Variants in FOXN3 observed in about 807,000 individuals in gnomAD.
The protein encoded by FOXN3 is forkhead box protein N3.
A neutral mutation model predicts 38.4 loss-of-function variants in FOXN3; 7 were observed. The ratio of observed to expected loss-of-function variants is 0.18; its 90% CI spans 0.10 to 0.34. The LOEUF is 0.34. Among genes scored for constraint, FOXN3 ranks in the 10% least tolerant of loss-of-function variants. The pLI is 1.00. For synonymous variants in FOXN3, 230 were observed against 242.2 expected (o/e 0.95, Z 0.47); for missense variants, 456 against 613.4 (o/e 0.74, Z 2.71).
intron 1 of FOXN3, among the ~76,000 whole-genome samples, chr14:89,430,524 T>C (rs1892132763): frequency 6.6e-6 from 1 of 152,236 alleles, no homozygotes; most frequent in Non-Finnish European, 1.5e-5. Context: ...TTTTATAAAC[T>C]GTGCTATTTG....
At chr14:89,284,197 A>G (rs1378818458) in intron 3 of FOXN3, among the ~76,000 whole-genome samples, 1 of 151,862 alleles carries the variant, frequency 6.6e-6, no homozygotes, top group African/African-American at 2.4e-5. Context: ...ATTTTTTTAA[A>G]TTGAGACGAA....
chr14:89,544,744 G>A (rs999475907), intron 1 of FOXN3, among the ~76,000 whole-genome samples: 24 of 152,080 alleles, frequency 1.6e-4, no homozygotes, highest in Non-Finnish European at 2.6e-4. Context: ...TCCATCTAAC[G>A]GAGACAGCTA....
In FOXN3 at chr14:89,225,237, C is replaced by T. The variant is rs112728157; in HGVS notation, c.746-44431G>A. ...GGAGGATCACTTGGACCCAAGAGTT[C>T]GAAGCTGCAGTGAGATGCGATCACG... On this transcript the variant is annotated intron_variant, in intron 4 of 5. Transcript: ENST00000557258. Among the ~76,000 whole-genome samples the T allele has an allele frequency of 4.8e-3, 718 of 151,096 alleles. 12 individuals are homozygous for T. The highest frequency in any genetic ancestry group is 0.016 in the African/African-American group (660 of 41,088).
chr14:89,362,786 CCACCAT>C lies in FOXN3; in HGVS notation c.544-11984_544-11979del, dbSNP rs1566968523. 9.4e-4 allele frequency among the ~76,000 whole-genome samples: 105 copies of C among 112,070 alleles called. 13 individuals carry two copies. Among genetic ancestry groups the C allele is most frequent in the African/African-American group, 3.2e-3 (93 of 28,792 alleles). The allele number at this position is 112,070 out of a possible 152,430, so 73.5% of individuals were successfully genotyped here. A position where few individuals can be genotyped will look rare whatever the true frequency, so the allele number is the denominator to read the frequency against. On this transcript the variant is annotated intron_variant, in intron 2 of 5. Transcript: ENST00000557258. ...ACCACCACCACCACCACCACCACCA[CCACCAT>C]CTCCACCACCACCTCCACCACCACC...
At chr14:89,260,713 C>T (rs1434590267) in intron 4 of FOXN3, among the ~76,000 whole-genome samples, 2 of 152,214 alleles carry the variant, frequency 1.3e-5, no homozygotes, top group Non-Finnish European at 1.5e-5. Context: ...CTTCCCTACC[C>T]CCTAATATTT....
At chr14:89,226,677 C>G (rs1884650423) in intron 4 of FOXN3, among the ~76,000 whole-genome samples, 1 of 152,158 alleles carries the variant, frequency 6.6e-6, no homozygotes, top group African/African-American at 2.4e-5. Context: ...ACCAGTACCC[C>G]AGAACCTGGT....
chr14:89,392,806 A>T (rs1368009079), intron 2 of FOXN3, among the ~76,000 whole-genome samples: 5 of 125,776 alleles, frequency 4.0e-5, no homozygotes, highest in Non-Finnish European at 8.8e-5. Flanking sequence ...ACGCCCAGCT[A>T]ATTTTTTTTT....
intron 1 of FOXN3, among the ~76,000 whole-genome samples, chr14:89,508,712 G>A (rs1008914532): frequency 2.0e-5 from 3 of 152,144 alleles, no homozygotes; most frequent in Admixed American, 1.3e-4. Flanking sequence ...ATGTTCGTGG[G>A]CCATGGATCA....
At chr14:89,559,076 C>A (rs1021646899) in intron 1 of FOXN3, among the ~76,000 whole-genome samples, 1 of 151,846 alleles carries the variant, frequency 6.6e-6, no homozygotes, top group Non-Finnish European at 1.5e-5. Context: ...CTTATGCGAA[C>A]AGGACAGATT....
chr14:89,385,206 G>A (rs1348725971), intron 2 of FOXN3, among the ~76,000 whole-genome samples: 1 of 152,138 alleles, frequency 6.6e-6, no homozygotes, highest in Non-Finnish European at 1.5e-5. Flanking sequence ...CTATGAAAAG[G>A]AAGTGGGGTA....
At chr14:89,435,647 T>TA (rs1892260289) in intron 1 of FOXN3, among the ~76,000 whole-genome samples, 1 of 152,060 alleles carries the variant, frequency 6.6e-6, no homozygotes. Context: ...AACAGCTCCG[T>TA]AAAAAGGGGA....
At chr14:89,286,110 A>C (rs1886622031) in intron 3 of FOXN3, among the ~76,000 whole-genome samples, 1 of 151,396 alleles carries the variant, frequency 6.6e-6, no homozygotes, top group Non-Finnish European at 1.5e-5. Flanking sequence ...GGATCAAGTG[A>C]TCTGCCCACT....
At chr14:89,436,759 A>G (rs921759444) in intron 1 of FOXN3, among the ~76,000 whole-genome samples, 6 of 152,224 alleles carry the variant, frequency 3.9e-5, no homozygotes, top group Non-Finnish European at 8.8e-5. Flanking sequence ...AACAACAAAG[A>G]AAGCCATAGT....
intron 4 of FOXN3, among the ~76,000 whole-genome samples, chr14:89,194,046 A>G (rs541998434): frequency 1.3e-5 from 2 of 152,322 alleles, no homozygotes; most frequent in South Asian, 4.1e-4. Flanking sequence ...TTCAACTAGT[A>G]TTATTCAGTT....
rs142831747 is a variant in FOXN3, at chr14:89,348,411, A to G, written c.680+2261T>C. The stretch of plus-strand genomic sequence containing the variant: ...AAATGCCACATCACTGTTAAGACAC[A>G]GAAATATTGTACAATTACCCAGTGT... On this transcript the variant is annotated intron_variant, in intron 3 of 5. Coordinates refer to ENST00000557258, the MANE Select transcript of FOXN3 (RefSeq NM_005197.4). Among the ~76,000 whole-genome samples, 841 of 152,350 alleles carry G rather than the reference A, an allele frequency of 5.5e-3. 8 individuals are homozygous for G. Among genetic ancestry groups the G allele is most frequent in the Middle Eastern group, 0.024 (7 of 294 alleles).
chr14:89,535,837 G>A (rs1028680422), intron 1 of FOXN3, among the ~76,000 whole-genome samples: 32 of 152,116 alleles, frequency 2.1e-4, no homozygotes, highest in African/African-American at 7.7e-4. Context: ...TCCCCAAAAG[G>A]ATGAAGTCAG....
At chr14:89,460,550 C>T (rs1892824699) in intron 1 of FOXN3, among the ~76,000 whole-genome samples, 1 of 152,108 alleles carries the variant, frequency 6.6e-6, no homozygotes, top group African/African-American at 2.4e-5. Flanking sequence ...AGCCTGCATC[C>T]AGGAGTCACT....
chr14:89,333,749 T>TTAAAAAAAAAAAAAAAAAA (rs1555418764), intron 3 of FOXN3, among the ~76,000 whole-genome samples: 2 of 57,266 alleles, frequency 3.5e-5, no homozygotes. Flanking sequence ...GAGAGACTAT[T>TTAAAAAAAAAAAAAAAAAA]AAAAAAAAAA....
chr14:89,370,226 G>A (rs542150315), intron 2 of FOXN3, among the ~76,000 whole-genome samples: 1 of 152,216 alleles, frequency 6.6e-6, no homozygotes, highest in African/African-American at 2.4e-5. Flanking sequence ...TTCAAAGAGT[G>A]ATCAAATATC....
Sources: gnomAD v4.1 joint callset for allele counts (sites outside exome capture counted in the v4.1 genomes callset) on GRCh38, gnomAD v4.1.1 for gene constraint, MANE v1.5 for transcripts, NCBI Gene and HGNC (gene_info 2026-07-23, HGNC 2026-07-21) for gene names.